SPTBN4: variants seen among roughly 807,000 people sequenced by gnomAD.
SPTBN4 encodes the protein spectrin beta, non-erythrocytic 4, also known as spectrin beta chain, non-erythrocytic 4.
SPTBN4 carries 96 observed loss-of-function variants against 277.8 expected under a neutral mutation model. The observed-to-expected ratio is 0.35, with a 90% CI of 0.29 to 0.41. The LOEUF (loss-of-function observed/expected upper bound fraction) is 0.41. SPTBN4 is among the 10% of genes least tolerant of loss of function. SPTBN4 has a pLI of 1.00. For synonymous variants in SPTBN4, 1,481 were observed against 1,580.3 expected (o/e 0.94, Z 1.49); for missense variants, 3,006 against 3,595.7 (o/e 0.84, Z 4.19).
intron 17 of SPTBN4, 88 bp from the exon 18 acceptor site, chr19:40,528,953 A>T: frequency 1.0e-6 from 1 of 976,070 alleles, no homozygotes; most frequent in Non-Finnish European, 1.6e-6. Context: ...TTCTTCCCCT[A>T]CCCAGCCCAG....
Position 40,490,031 on chromosome 19 carries a change from T to G in SPTBN4, c.322-44T>G, listed in dbSNP as rs1319411347. The stretch of plus-strand genomic sequence containing the variant: ...TGCGGGGCCGAGGGCGCCATACTCC[T>G]GTCTGTCCAGACCCCCGATCGCCCA... On this transcript the variant is annotated intron_variant, in intron 3 of 35. Coordinates refer to ENST00000598249, the MANE Select transcript of SPTBN4 (RefSeq NM_020971.3). This position sits in a 1 kb window ranked among gnomAD's most constrained non-coding sequence, Gnocchi z 4.3. The G allele has an allele frequency of 5.2e-6, 8 of 1,537,986 alleles. No individual in the cohort carries two copies. The African/African-American group carries it at 9.7e-5, about 19-fold the overall frequency.
chr19:40,486,033 T>C (rs1051921689), intron 2 of SPTBN4, among the ~76,000 whole-genome samples: 6 of 150,648 alleles, frequency 4.0e-5, no homozygotes, highest in African/African-American at 1.5e-4. Flanking sequence ...CTAACACCTG[T>C]AATCCCAGCA....
At chr19:40,505,006 A>G (rs1198455325) in intron 12 of SPTBN4, among the ~76,000 whole-genome samples, 1 of 151,938 alleles carries the variant, frequency 6.6e-6, no homozygotes. Context: ...AATCTACATG[A>G]CTACAGAGAA....
chr19:40,482,750 T>C (rs1273158304), intron 2 of SPTBN4, among the ~76,000 whole-genome samples: 2 of 151,316 alleles, frequency 1.3e-5, no homozygotes, highest in African/African-American at 4.9e-5. Context: ...TCACCTGAGG[T>C]TGGGAGTTCG....
chr19:40,562,234 A>G (rs1263924990), intron 27 of SPTBN4, among the ~76,000 whole-genome samples: 1 of 152,126 alleles, frequency 6.6e-6, no homozygotes, highest in Non-Finnish European at 1.5e-5. Context: ...TGATGTGTAC[A>G]TTTGAGAAAA....
Position 40,501,984 on chromosome 19 carries a change from A to G in SPTBN4, c.848A>G (p.Tyr283Cys), listed in dbSNP as rs1378305944. 3 of 1,614,044 alleles carry G rather than the reference A, an allele frequency of 1.9e-6. No individual in the cohort carries two copies. Among genetic ancestry groups the G allele is most frequent in the Non-Finnish European group, 2.5e-6 (3 of 1,180,048 alleles). ...ACCTACGTGGTCTCTTTCTACCACT[A>G]TTTCTCCAAGATGAAGGCTCTGGCT... The part of the protein sequence containing the change: ...IITYVVSFYH[Y>C]FSKMKALAVE... Residue 283 changes from tyrosine to cysteine, a missense_variant, in exon 8 of 36, where the codon TAT becomes TGT. Physicochemically the swap from Tyr to Cys is radical, Grantham distance 194. This residue lies in a region of SPTBN4 where 1,759 missense variants were observed against 2,061.5 expected (regional missense o/e 0.85). Coordinates refer to ENST00000598249, the MANE Select transcript of SPTBN4 (RefSeq NM_020971.3).
intron 2 of SPTBN4, among the ~76,000 whole-genome samples, chr19:40,473,354 GTTTTTTTTTT>G (rs61584591): frequency 1.0e-5 from 1 of 99,094 alleles, no homozygotes; most frequent in African/African-American, 4.1e-5. Flanking sequence ...CTGGCCTGGT[GTTTTTTTTTT>G]TTTTTTTTTT....
intron 2 of SPTBN4, among the ~76,000 whole-genome samples, chr19:40,484,918 T>C (rs1471487478): frequency 6.7e-6 from 1 of 149,822 alleles, no homozygotes; most frequent in East Asian, 2.0e-4. Context: ...GGCGATAGAG[T>C]GAGACTCCGT....
At position 40,567,638 on chromosome 19, in the gene SPTBN4, C is replaced by T. The variant is rs773219083; in HGVS notation, c.6337-25C>T. 6.1e-6 allele frequency: 9 copies of T among 1,467,052 alleles called. No homozygotes were observed. The Admixed American group carries it at 7.7e-5, about 12-fold the overall frequency. The allele number at this position is 1,467,052 out of a possible 1,614,324, so 90.9% of individuals were successfully genotyped here. A position where few individuals can be genotyped will look rare whatever the true frequency, so the allele number is the denominator to read the frequency against. On this transcript the variant is annotated intron_variant, in intron 30 of 35. Transcript: ENST00000598249. ...CCCGCCCCGGCCCCACGCCTCCAAC[C>T]TAACCCTGGTCCCTCCATCCTCAGA...
chr19:40,554,125 T>A lies in SPTBN4; in HGVS notation c.4675-22T>A, dbSNP rs1037353840. ...TCGGAACGCCCCCTCTCCACCCACA[T>A]CCCCTTACCTCCTGCCCCCAGGGCC... On this transcript the variant is annotated intron_variant, in intron 22 of 35. Transcript: ENST00000598249. The surrounding 1 kb of genome is among the most constrained non-coding windows in gnomAD (Gnocchi z 5.7). 1.4e-6 allele frequency: 2 copies of A among 1,421,990 alleles called. No homozygotes were observed. The highest frequency in any genetic ancestry group is 3.0e-5 in the African/African-American group (2 of 66,244). The allele number at this position is 1,421,990 out of a possible 1,614,324, so 88.1% of individuals were successfully genotyped here.
At chr19:40,549,534 G>C (rs1185832683) in intron 21 of SPTBN4, 121 bp downstream of exon 21, 1 of 731,684 alleles carries the variant, frequency 1.4e-6, no homozygotes, top group African/African-American at 1.9e-5. Flanking sequence ...GCTGAAAGAC[G>C]CATTCAGCCG....
At chr19:40,483,993 C>T (rs2080041230) in intron 2 of SPTBN4, among the ~76,000 whole-genome samples, 1 of 152,104 alleles carries the variant, frequency 6.6e-6, no homozygotes, top group Admixed American at 6.6e-5. Context: ...GGAACGATGG[C>T]TTGAGCCTGG....
At chr19:40,569,020 T>A (rs2145957035) in intron 31 of SPTBN4, among the ~76,000 whole-genome samples, 1 of 152,230 alleles carries the variant, frequency 6.6e-6, no homozygotes, top group East Asian at 1.9e-4. Context: ...AGGCTTGTCA[T>A]CAATGATGAC....
intron 20 of SPTBN4, among the ~76,000 whole-genome samples, chr19:40,547,599 C>T (rs561099240): frequency 3.5e-4 from 53 of 152,296 alleles, no homozygotes; most frequent in Admixed American, 2.2e-3. Flanking sequence ...CTTGAGGAAT[C>T]GCCACACTGT....
In SPTBN4 at chr19:40,519,871, C is replaced by T. The variant is rs996499504; in HGVS notation, c.3374C>T (p.Ala1125Val). 11 of 1,497,572 alleles carry T rather than the reference C, an allele frequency of 7.3e-6. No homozygotes were observed. The highest frequency in any genetic ancestry group is 7.2e-5 in the African/African-American group (5 of 69,490). 92.8% of individuals were successfully genotyped at this position (1,497,572 alleles called of 1,614,324 possible). The change falls in exon 16 of 36, where the codon GCG (alanine) becomes GTG (valine). Residue 1125 changes from alanine (A) to valine (V), a missense_variant. This residue lies in a region of SPTBN4 where 1,759 missense variants were observed against 2,061.5 expected (regional missense o/e 0.85). Coordinates refer to ENST00000598249, the MANE Select transcript of SPTBN4 (RefSeq NM_020971.3). This position sits in a 1 kb window ranked among gnomAD's most constrained non-coding sequence, Gnocchi z 5.7. The stretch of plus-strand genomic sequence containing the variant: ...CCCCTGCCCAACAGCCTAGAAGAGG[C>T]GGACGCGCTGCTGGCGCGCCACGCT... ...EGPLPNSLEEADALLARHAAL... is the reference protein window; with the variant it reads ...EGPLPNSLEEVDALLARHAAL...
rs908470278 is a variant in SPTBN4, at chr19:40,556,110, A to G, written c.5111A>G (p.Gln1704Arg). Reference protein sequence around the residue: ...DSEQISRRQSQVDRLYVALKE... With the variant: ...DSEQISRRQSRVDRLYVALKE... ...GAGCAGATCAGCCGGCGGCAGTCTCAGGTGGACCGCCTGTACGTGGCGCTC... is the reference window on the plus strand; with the variant it reads ...GAGCAGATCAGCCGGCGGCAGTCTCGGGTGGACCGCCTGTACGTGGCGCTC... Residue 1704 changes from glutamine (Q) to arginine (R), a missense_variant, in exon 25 of 36, where the codon CAG (glutamine) becomes CGG (arginine). Around this residue, in one of 5 missense-constraint regions of SPTBN4, gnomAD observed 425 missense variants for 594.7 expected, o/e 0.71. Transcript: ENST00000598249. 6 of 1,611,970 alleles carry G rather than the reference A, an allele frequency of 3.7e-6. No individual in the cohort carries two copies. Among genetic ancestry groups the G allele is most frequent in the Non-Finnish European group, 4.2e-6 (5 of 1,179,854 alleles).
intron 35 of SPTBN4, chr19:40,572,633 G>A (rs774091808): frequency 1.1e-5 from 6 of 541,076 alleles, no homozygotes; most frequent in East Asian, 6.0e-5. Context: ...GGTCACTCAG[G>A]TGAGACTGGA....
At position 40,567,819 on chromosome 19, in the gene SPTBN4, T is replaced by C; in HGVS notation, c.6493T>C (p.Ser2165Pro). ...RGLEPLARRA[S>P]DTLSAEVRTR... Reference sequence around the variant, plus strand: ...CTTGGAGCCCCTGGCCCGCCGAGCCTCGGACACGCTCTCGGCCGAGGTGCG... The same window carrying C: ...CTTGGAGCCCCTGGCCCGCCGAGCCCCGGACACGCTCTCGGCCGAGGTGCG... The change falls in exon 31 of 36, where the codon TCG (serine) becomes CCG (proline). Residue 2165 changes from serine to proline, a missense_variant. Transcript: ENST00000598249. 6.6e-7 allele frequency: 1 copy of C among 1,516,998 alleles called. No individual in the cohort carries two copies. Among genetic ancestry groups the C allele is most frequent in the East Asian group, 2.6e-5 (1 of 37,954 alleles). 94.0% of individuals were successfully genotyped at this position (1,516,998 alleles called of 1,614,324 possible).
At position 40,502,199 on chromosome 19, in the gene SPTBN4, C is replaced by T. The variant is rs1367464111; in HGVS notation, c.969C>T (p.Ala323=). The change falls in exon 9 of 36, where the codon GCC becomes GCT. Residue 323 remains alanine, a synonymous_variant. Transcript: ENST00000598249. The surrounding 1 kb of genome is among the most constrained non-coding windows in gnomAD (Gnocchi z 4.9). ...AGGAGCTGGCGGCTGAGCTGCTGGC[C>T]TGGATCCACCGCACCGTGGGCCTCA... ...RYEELAAELL[A]WIHRTVGLIS... 6 of 1,613,966 alleles carry T rather than the reference C, an allele frequency of 3.7e-6. No individual in the cohort carries two copies. Among genetic ancestry groups the T allele is most frequent in the East Asian group, 2.2e-5 (1 of 44,896 alleles).
Sources: allele counts gnomAD v4.1 joint callset (sites outside exome capture counted in the v4.1 genomes callset), GRCh38; gene constraint gnomAD v4.1.1; regional missense constraint gnomAD v4.1.1; non-coding constraint Gnocchi (gnomAD v3.1); transcripts MANE v1.5; gene names NCBI Gene and HGNC (gene_info 2026-07-23, HGNC 2026-07-21).